Variants in SHISA6 observed in about 807,000 individuals in gnomAD.
SHISA6 encodes the protein shisa family member 6, also known as protein shisa-6.
In SHISA6, 22 loss-of-function variants were observed where a neutral mutation model predicts 47.9. That is an observed-to-expected ratio of 0.46 (90% CI 0.33 to 0.66). SHISA6 has a LOEUF of 0.66. Among genes scored for constraint, SHISA6 ranks in the 30% least tolerant of loss-of-function variants. SHISA6 has a pLI of 0.02. For synonymous variants in SHISA6, 388 were observed against 337.8 expected (o/e 1.15, Z -1.63); for missense variants, 680 against 764.6 (o/e 0.89, Z 1.30).
At chr17:11,369,559 C>T (rs1032974895) in intron 2 of SHISA6, among the ~76,000 whole-genome samples, 3 of 152,246 alleles carry the variant, frequency 2.0e-5, no homozygotes, top group Admixed American at 2.0e-4. Context: ...CACCATGCAT[C>T]TGCAGGGTGA....
chr17:11,330,748 A>G (rs144320013), intron 2 of SHISA6, among the ~76,000 whole-genome samples: 159 of 152,228 alleles, frequency 1.0e-3, no homozygotes, highest in African/African-American at 3.7e-3. Context: ...AAAAAATGTA[A>G]GTATCTAGAT....
intron 3 of SHISA6, among the ~76,000 whole-genome samples, chr17:11,526,920 T>TA (rs2071690499): frequency 4.1e-5 from 1 of 24,262 alleles, no homozygotes; most frequent in Non-Finnish European, 7.4e-5. Context: ...TATATATATA[T>TA]ATATATATAT....
chr17:11,251,878 C>G (rs1349973567), intron 1 of SHISA6, among the ~76,000 whole-genome samples: 1 of 152,188 alleles, frequency 6.6e-6, no homozygotes, highest in African/African-American at 2.4e-5. Context: ...CAGCTCCCAA[C>G]CTGCCACACG....
intron 3 of SHISA6, among the ~76,000 whole-genome samples, chr17:11,435,959 T>G (rs1311773779): frequency 6.6e-6 from 1 of 152,214 alleles, no homozygotes; most frequent in African/African-American, 2.4e-5. Context: ...ACAAAACTAT[T>G]TCCCTCAAAA....
Position 11,377,094 on chromosome 17 carries a change from G to T in SHISA6, c.800-2320G>T, listed in dbSNP as rs143429015. Among the ~76,000 whole-genome samples the T allele has an allele frequency of 3.1e-3, 471 of 152,308 alleles. 2 individuals carry two copies. Among genetic ancestry groups the T allele is most frequent in the African/African-American group, 0.01 (429 of 41,568 alleles). ...ATCACTGCCTTGTGAGAAGTCCCTA[G>T]ACTTGGTTTTTATGTAGCTTTTCAT... On this transcript the variant is annotated intron_variant, in intron 2 of 5. Coordinates refer to ENST00000441885, the MANE Select transcript of SHISA6 (RefSeq NM_207386.4).
intron 2 of SHISA6, among the ~76,000 whole-genome samples, chr17:11,272,537 C>A (rs913421112): frequency 2.0e-5 from 3 of 152,190 alleles, no homozygotes; most frequent in Non-Finnish European, 4.4e-5. Flanking sequence ...ACCTTCCGTG[C>A]TTCAGTTTCC....
intron 3 of SHISA6, among the ~76,000 whole-genome samples, chr17:11,521,322 A>T (rs990729715): frequency 6.6e-6 from 1 of 152,210 alleles, no homozygotes; most frequent in Non-Finnish European, 1.5e-5. Context: ...CTTTTTCATA[A>T]ATTCCCAATA....
chr17:11,408,537 A>T (rs977328588), intron 3 of SHISA6, among the ~76,000 whole-genome samples: 3 of 152,248 alleles, frequency 2.0e-5, no homozygotes, highest in Admixed American at 6.5e-5. Flanking sequence ...TGCAGAGGAT[A>T]CATCATTTAA....
At chr17:11,278,364 CAG>C (rs371525535) in intron 2 of SHISA6, among the ~76,000 whole-genome samples, 1 of 152,344 alleles carries the variant, frequency 6.6e-6, no homozygotes, top group East Asian at 1.9e-4. Flanking sequence ...CTCCTGAAAT[CAG>C]AGGCTGCGTC....
intron 1 of SHISA6, among the ~76,000 whole-genome samples, chr17:11,251,558 G>A (rs1907806340): frequency 6.6e-6 from 1 of 152,162 alleles, no homozygotes; most frequent in East Asian, 1.9e-4. Context: ...TGGACCTAGG[G>A]ATATTTCTAG....
chr17:11,272,085 A>ACT (rs759391897), intron 2 of SHISA6, among the ~76,000 whole-genome samples: 39 of 151,988 alleles, frequency 2.6e-4, no homozygotes, highest in Non-Finnish European at 5.0e-4. Context: ...CCTCCGCTCC[A>ACT]CTACCAGGCA....
chr17:11,492,962 C>T (rs1334209066), intron 3 of SHISA6, among the ~76,000 whole-genome samples: 8 of 152,306 alleles, frequency 5.3e-5, no homozygotes, highest in South Asian at 2.1e-4. Flanking sequence ...AGAATCTCAG[C>T]GTCAGTAGCA....
intron 1 of SHISA6, among the ~76,000 whole-genome samples, chr17:11,256,154 C>T (rs889039743): frequency 1.6e-4 from 25 of 152,288 alleles, no homozygotes; most frequent in African/African-American, 3.6e-4. Flanking sequence ...GTGCTGCCTA[C>T]GTGTTGCCTC....
chr17:11,549,323 G>A (rs150075389), intron 3 of SHISA6, among the ~76,000 whole-genome samples: 2 of 152,190 alleles, frequency 1.3e-5, no homozygotes, highest in South Asian at 2.1e-4. Flanking sequence ...TGCCAAGGTA[G>A]GAAAAAATCC....
intron 3 of SHISA6, among the ~76,000 whole-genome samples, chr17:11,523,564 C>T (rs1190293635): frequency 6.6e-6 from 1 of 152,172 alleles, no homozygotes; most frequent in East Asian, 1.9e-4. Context: ...TTCTGACTAA[C>T]AAGGATAGTC....
chr17:11,317,613 G>A (rs757092896), intron 2 of SHISA6, among the ~76,000 whole-genome samples: 1 of 151,090 alleles, frequency 6.6e-6, no homozygotes, highest in Non-Finnish European at 1.5e-5. Context: ...TTTCGATTTT[G>A]TTTTTTTTAA....
intron 2 of SHISA6, among the ~76,000 whole-genome samples, chr17:11,270,522 G>A (rs1404875259): frequency 6.6e-6 from 1 of 152,142 alleles, no homozygotes; most frequent in Non-Finnish European, 1.5e-5. Context: ...AATAGGAGTT[G>A]GCAAACGTTT....
intron 3 of SHISA6, among the ~76,000 whole-genome samples, chr17:11,449,980 G>C (rs1915341648): frequency 1.3e-5 from 2 of 152,286 alleles, no homozygotes; most frequent in East Asian, 1.9e-4. Flanking sequence ...CGCCTCCTGG[G>C]TTCACGCCAT....
At chr17:11,444,333 AAAAG>A (rs994798575) in intron 3 of SHISA6, among the ~76,000 whole-genome samples, 8 of 152,262 alleles carry the variant, frequency 5.3e-5, no homozygotes, top group Admixed American at 2.6e-4. Flanking sequence ...AAAAGTAAAA[AAAAG>A]AAAGAAAGGA....
Sources: allele counts gnomAD v4.1 joint callset (sites outside exome capture counted in the v4.1 genomes callset), GRCh38; gene constraint gnomAD v4.1.1; transcripts MANE v1.5; gene names NCBI Gene and HGNC (gene_info 2026-07-23, HGNC 2026-07-21).